HPSE2: variants seen among roughly 807,000 people sequenced by gnomAD.
HPSE2 encodes heparanase 2 (inactive).
HPSE2 carries 38 observed loss-of-function variants against 60.5 expected under a neutral mutation model. That is an observed-to-expected ratio of 0.63 (90% CI 0.48 to 0.82). HPSE2 has a LOEUF of 0.82. Among genes scored for constraint, HPSE2 ranks in the 40% least tolerant of loss-of-function variants. The pLI is 0.00. For synonymous variants in HPSE2, 295 were observed against 293.2 expected, an observed-to-expected ratio of 1.01 and a Z score of -0.06; for missense variants, 713 against 740.4, an observed-to-expected ratio of 0.96 and a Z score of 0.43.
intron 3 of HPSE2, among the ~76,000 whole-genome samples, chr10:98,751,935 T>G (rs1369950432): frequency 1.3e-4 from 20 of 152,350 alleles, no homozygotes; most frequent in Non-Finnish European, 5.9e-5. Flanking sequence ...TTTACTTTTG[T>G]GGAAAGATTT....
chr10:98,603,439 GTTTTT>G (rs58750714), intron 9 of HPSE2, among the ~76,000 whole-genome samples: 1 of 144,160 alleles, frequency 6.9e-6, no homozygotes. Flanking sequence ...CTGTTTTTTT[GTTTTT>G]TTTTTTGACA....
intron 9 of HPSE2, among the ~76,000 whole-genome samples, chr10:98,602,939 T>C (rs533433292): frequency 2.6e-4 from 40 of 151,790 alleles, no homozygotes; most frequent in Non-Finnish European, 5.2e-4. Flanking sequence ...TAAATTAGAG[T>C]TCATCAAAAT....
intron 3 of HPSE2, among the ~76,000 whole-genome samples, chr10:99,035,072 T>C (rs1481422614): frequency 5.3e-5 from 8 of 152,158 alleles, no homozygotes; most frequent in Admixed American, 2.0e-4. Flanking sequence ...ACACTTAGGG[T>C]ACACTAAATT....
At chr10:99,103,460 A>G (rs1844100325) in intron 3 of HPSE2, among the ~76,000 whole-genome samples, 2 of 152,138 alleles carry the variant, frequency 1.3e-5, no homozygotes, top group South Asian at 4.1e-4. Context: ...AGAACTACAA[A>G]CCACTGCTCA....
At chr10:98,655,161 G>A (rs1235533540) in intron 6 of HPSE2, among the ~76,000 whole-genome samples, 2 of 152,084 alleles carry the variant, frequency 1.3e-5, no homozygotes, top group South Asian at 2.1e-4. Flanking sequence ...TATGTAAGAC[G>A]GAAAGGCTAG....
intron 10 of HPSE2, among the ~76,000 whole-genome samples, chr10:98,483,753 T>G (rs1941336497): frequency 6.6e-6 from 1 of 152,230 alleles, no homozygotes; most frequent in Non-Finnish European, 1.5e-5. Context: ...TGACAAAGGC[T>G]GTTCTATTGA....
chr10:98,639,844 C>G (rs915049619), intron 7 of HPSE2, among the ~76,000 whole-genome samples: 5 of 152,174 alleles, frequency 3.3e-5, no homozygotes, highest in African/African-American at 9.7e-5. Context: ...CTTGATAGAA[C>G]TGAATCATTT....
Position 98,596,334 on chromosome 10 carries a change from G to GTT in HPSE2, c.1320+18569_1320+18570insAA, listed in dbSNP as rs771408320. On this transcript the variant is annotated intron_variant, in intron 9 of 11. Coordinates refer to ENST00000370552, the MANE Select transcript of HPSE2 (RefSeq NM_021828.5). The stretch of plus-strand genomic sequence containing the variant: ...ATTATTGTTGCTATTGTTATTTTTA[G>GTT]TAGTTTTTTAATCTTCATTTTAAAG... Among the ~76,000 whole-genome samples the GTT allele has an allele frequency of 9.2e-3, 960 of 104,576 alleles. 4 individuals carry two copies. The highest frequency in any genetic ancestry group is 0.013 in the Non-Finnish European group (659 of 50,786). 68.6% of individuals were successfully genotyped at this position (104,576 alleles called of 152,430 possible).
At chr10:99,076,364 A>G (rs1842951733) in intron 3 of HPSE2, among the ~76,000 whole-genome samples, 1 of 152,054 alleles carries the variant, frequency 6.6e-6, no homozygotes. Context: ...GTATCAATTC[A>G]CACATTTTTA....
intron 4 of HPSE2, among the ~76,000 whole-genome samples, chr10:98,733,871 CACAT>C (rs1949285591): frequency 6.6e-6 from 1 of 152,242 alleles, no homozygotes; most frequent in East Asian, 1.9e-4. Context: ...AGATATAAAA[CACAT>C]ACAATTCACC....
chr10:98,680,727 T>A (rs1947762171), intron 6 of HPSE2, among the ~76,000 whole-genome samples: 1 of 152,148 alleles, frequency 6.6e-6, no homozygotes, highest in South Asian at 2.1e-4. Flanking sequence ...AGCACTTGTA[T>A]GATTGAGCTG....
At chr10:99,207,906 A>C (rs929201123) in intron 2 of HPSE2, among the ~76,000 whole-genome samples, 5 of 151,650 alleles carry the variant, frequency 3.3e-5, no homozygotes, top group Non-Finnish European at 7.4e-5. Context: ...GTTTTCTCTT[A>C]TACATACATA....
At chr10:98,702,622 T>C (rs1948440836) in intron 5 of HPSE2, among the ~76,000 whole-genome samples, 2 of 152,182 alleles carry the variant, frequency 1.3e-5, no homozygotes, top group Admixed American at 1.3e-4. Context: ...AACTCAGGAT[T>C]AAGAAACTCA....
At chr10:99,287,132 T>C in the HPSE2 span, among the ~76,000 whole-genome samples, 1 of 152,168 alleles carries the variant, frequency 6.6e-6, no homozygotes, top group Admixed American at 6.5e-5. Flanking sequence ...TTGAATTATC[T>C]TAGAGCTAAT....
chr10:98,923,939 T>C (rs997336683), intron 3 of HPSE2, among the ~76,000 whole-genome samples: 3 of 152,160 alleles, frequency 2.0e-5, no homozygotes, highest in Non-Finnish European at 2.9e-5. Flanking sequence ...AAGTAATGTT[T>C]TCCTGAATGA....
intron 11 of HPSE2, among the ~76,000 whole-genome samples, chr10:98,468,643 A>G (rs753036245): frequency 1.1e-4 from 17 of 151,792 alleles, no homozygotes; most frequent in Non-Finnish European, 2.5e-4. Flanking sequence ...TTCATTTCTC[A>G]ATTTTCAATA....
At chr10:98,809,202 A>G (rs1951109799) in intron 3 of HPSE2, among the ~76,000 whole-genome samples, 1 of 152,178 alleles carries the variant, frequency 6.6e-6, no homozygotes, top group Admixed American at 6.5e-5. Context: ...AAGACATAAC[A>G]ATGTCTATTC....
chr10:98,603,346 C>G (rs1945481886), intron 9 of HPSE2, among the ~76,000 whole-genome samples: 1 of 152,042 alleles, frequency 6.6e-6, no homozygotes, highest in Admixed American at 6.6e-5. Context: ...ACCAGGATCT[C>G]ACAGCAAATA....
the HPSE2 span, among the ~76,000 whole-genome samples, chr10:99,279,382 A>G: frequency 7.2e-5 from 11 of 152,206 alleles, no homozygotes; most frequent in African/African-American, 2.7e-4. Flanking sequence ...GAAAAACAGA[A>G]GTAAAAGAGT....
Sources: allele counts gnomAD v4.1 joint callset (sites outside exome capture counted in the v4.1 genomes callset), GRCh38; gene constraint gnomAD v4.1.1; transcripts MANE v1.5; gene names NCBI Gene and HGNC (gene_info 2026-07-23, HGNC 2026-07-21).